Variants in CDK5RAP2 observed in about 807,000 individuals in gnomAD.
CDK5RAP2 encodes CDK5 regulatory subunit-associated protein 2.
CDK5RAP2 carries 147 observed loss-of-function variants against 232.9 expected under a neutral mutation model. The observed-to-expected ratio is 0.63, with a 90% CI of 0.55 to 0.72. The LOEUF (loss-of-function observed/expected upper bound fraction) is 0.72. Among genes scored for constraint, CDK5RAP2 ranks in the 30% least tolerant of loss-of-function variants. CDK5RAP2 has a pLI of 0.00. For synonymous variants in CDK5RAP2, 833 were observed against 833.7 expected (o/e 1.00, Z 0.01); for missense variants, 2,195 against 2,231.5 (o/e 0.98, Z 0.33).
chr9:120,401,910 A>G (rs935459537), intron 34 of CDK5RAP2, among the ~76,000 whole-genome samples: 68 of 152,040 alleles, frequency 4.5e-4, no homozygotes, highest in African/African-American at 1.5e-3. Context: ...CTTGAGCCCA[A>G]GAGGAGGAGG....
At chr9:120,542,057 T>C (rs2041654613) in intron 5 of CDK5RAP2, among the ~76,000 whole-genome samples, 1 of 152,178 alleles carries the variant, frequency 6.6e-6, no homozygotes. Flanking sequence ...AGCAGGGGAT[T>C]TTCCTGTGGC....
intron 14 of CDK5RAP2, among the ~76,000 whole-genome samples, chr9:120,479,061 C>T (rs1490063988): frequency 6.6e-6 from 1 of 151,942 alleles, no homozygotes; most frequent in African/African-American, 2.4e-5. Context: ...GACACACAGA[C>T]CCAGTTTGGA....
rs139351953 is a variant in CDK5RAP2 at position 120,547,285 on chromosome 9, C to T, written c.307-1495G>A. On this transcript the variant is annotated intron_variant, in intron 4 of 37. Coordinates refer to ENST00000349780, the MANE Select transcript of CDK5RAP2 (RefSeq NM_018249.6). Reference sequence around the variant, plus strand: ...GATTACAGGCGTGAGCCACCGCATCCGGCCATATGTGTATTATTTAAACAA... The same window carrying T: ...GATTACAGGCGTGAGCCACCGCATCTGGCCATATGTGTATTATTTAAACAA... Among the ~76,000 whole-genome samples, 1,361 of 152,162 alleles carry T rather than the reference C, an allele frequency of 8.9e-3. 21 individuals are homozygous for T. Among genetic ancestry groups the T allele is most frequent in the African/African-American group, 0.03 (1,267 of 41,542 alleles).
intron 36 of CDK5RAP2, among the ~76,000 whole-genome samples, chr9:120,392,021 T>TA (rs1345252457): frequency 1.3e-5 from 2 of 152,122 alleles, no homozygotes; most frequent in Non-Finnish European, 2.9e-5. Context: ...AGATGGACAA[T>TA]ACCAGCTCAG....
At chr9:120,430,373 G>A (rs2035208053) in intron 25 of CDK5RAP2, among the ~76,000 whole-genome samples, 1 of 150,632 alleles carries the variant, frequency 6.6e-6, no homozygotes, top group African/African-American at 2.4e-5. Context: ...CTGACAAAGG[G>A]CTAATATCCA....
chr9:120,403,153 G>C lies in CDK5RAP2; in HGVS notation c.5042-82C>G, dbSNP rs993492153. 2.0e-6 allele frequency: 3 copies of C among 1,486,906 alleles called. No individual in the cohort carries two copies. Among genetic ancestry groups the C allele is most frequent in the Middle Eastern group, 2.1e-4 (1 of 4,720 alleles). The allele number at this position is 1,486,906 out of a possible 1,614,324, so 92.1% of individuals were successfully genotyped here. ...ACGCTTATGATGTTGAAGCTAGCTA[G>C]GAGGGCTAGAAGAGGCCCTCGTGCC... is the stretch of plus-strand genomic sequence containing the variant. On this transcript the variant is annotated intron_variant, in intron 33 of 37. Transcript: ENST00000349780. The surrounding 1 kb of genome is among the most constrained non-coding windows in gnomAD (Gnocchi z 4.2).
intron 14 of CDK5RAP2, among the ~76,000 whole-genome samples, chr9:120,481,671 C>G (rs2038323182): frequency 6.6e-6 from 1 of 152,072 alleles, no homozygotes; most frequent in Non-Finnish European, 1.5e-5. Context: ...CACCGCCACA[C>G]TCGGCTAATT....
chr9:120,443,715 T>C lies in CDK5RAP2; in HGVS notation c.3053A>G (p.Gln1018Arg), dbSNP rs1218264377. 1 of 1,614,000 alleles carries C rather than the reference T, an allele frequency of 6.2e-7. No homozygotes were observed. The highest frequency in any genetic ancestry group is 8.5e-7 in the Non-Finnish European group (1 of 1,180,002). The change falls in exon 23 of 38, where the codon CAG becomes CGG. Residue 1018 changes from glutamine (Q) to arginine (R), a missense_variant. Gln to Arg is a conservative substitution (Grantham distance 43). Coordinates refer to ENST00000349780, the MANE Select transcript of CDK5RAP2 (RefSeq NM_018249.6). ...NAQPPVGAAY[Q>R]DSPGEQKGIK... ...TCCTTTCTGCTCTCCTGGGCTGTCCTGGTAGGCTGCTCCCACAGGGGGCTG... is the reference window on the plus strand; with the variant it reads ...TCCTTTCTGCTCTCCTGGGCTGTCCCGGTAGGCTGCTCCCACAGGGGGCTG...
At chr9:120,456,324 G>C (rs1490034762) in intron 20 of CDK5RAP2, among the ~76,000 whole-genome samples, 1 of 152,170 alleles carries the variant, frequency 6.6e-6, no homozygotes, top group Non-Finnish European at 1.5e-5. Context: ...CTAGAAACCT[G>C]GTGAAACAGT....
At position 120,495,075 on chromosome 9, in the gene CDK5RAP2, C is replaced by T. The variant is rs1489138036; in HGVS notation, c.1312-3598G>A. 1.7e-4 allele frequency among the ~76,000 whole-genome samples: 13 copies of T among 74,852 alleles called. No individual in the cohort carries two copies. In the East Asian group the frequency reaches 3.5e-3, roughly 20 times the overall value. The allele number at this position is 74,852 out of a possible 152,430, so 49.1% of individuals were successfully genotyped here. A position where few individuals can be genotyped will look rare whatever the true frequency, so the allele number is the denominator to read the frequency against. On this transcript the variant is annotated intron_variant, in intron 12 of 37. Transcript: ENST00000349780. ...GCCCGGGAGGCAGCGGCTGGAGGAGCGGACGGGCCCCGCGGGGCCCGAGGG... is the reference window on the plus strand; with the variant it reads ...GCCCGGGAGGCAGCGGCTGGAGGAGTGGACGGGCCCCGCGGGGCCCGAGGG...
In CDK5RAP2 at chr9:120,401,146, C is replaced by T. The variant is rs115889058; in HGVS notation, c.5308-261G>A. 2,113 of 477,534 alleles carry T rather than the reference C, an allele frequency of 4.4e-3. 33 individuals carry two copies. The highest frequency in any genetic ancestry group is 0.037 in the African/African-American group (1,894 of 50,978). 29.6% of individuals were successfully genotyped at this position (477,534 alleles called of 1,614,324 possible). On this transcript the variant is annotated intron_variant, in intron 34 of 37. Transcript: ENST00000349780. Reference sequence around the variant, plus strand: ...GGTTAATAACCACCAGCATTAACTACAGTTACTACTCCAAGTAAAGGGTCT... The same window carrying T: ...GGTTAATAACCACCAGCATTAACTATAGTTACTACTCCAAGTAAAGGGTCT...
chr9:120,468,064 C>A, intron 17 of CDK5RAP2, 67 bp from the exon 18 acceptor site: 1 of 1,519,748 alleles, frequency 6.6e-7, no homozygotes, highest in Non-Finnish European at 9.1e-7. Flanking sequence ...AGGGCCGCAG[C>A]CCCAGACAGC....
rs372329287 is a variant in CDK5RAP2, at chr9:120,550,922, G to A, written c.196-20C>T. 7 of 1,457,140 alleles carry A rather than the reference G, an allele frequency of 4.8e-6. No homozygotes were observed. The highest frequency in any genetic ancestry group is 6.8e-6 in the Non-Finnish European group (7 of 1,037,006). The allele number at this position is 1,457,140 out of a possible 1,614,324, so 90.3% of individuals were successfully genotyped here. A position where few individuals can be genotyped will look rare whatever the true frequency, so the allele number is the denominator to read the frequency against. ...GATTTGCTGAAAAATATCACAGAAGGGTCATCAAAAGCAAACAAAAGACAG... is the reference window on the plus strand; with the variant it reads ...GATTTGCTGAAAAATATCACAGAAGAGTCATCAAAAGCAAACAAAAGACAG... On this transcript the variant is annotated intron_variant, in intron 3 of 37. Coordinates refer to ENST00000349780, the MANE Select transcript of CDK5RAP2 (RefSeq NM_018249.6).
intron 36 of CDK5RAP2, among the ~76,000 whole-genome samples, chr9:120,393,844 G>A (rs3780672): frequency 0.66 from 100,478 of 152,052 alleles, 33,607 homozygotes; most frequent in East Asian, 0.79. Context: ...GATCCCCAGC[G>A]TCCTAGCCAC....
At chr9:120,477,057 T>A (rs920055093) in intron 15 of CDK5RAP2, among the ~76,000 whole-genome samples, 1 of 152,224 alleles carries the variant, frequency 6.6e-6, no homozygotes, top group Non-Finnish European at 1.5e-5. Context: ...ATAATACACA[T>A]AGAAGCACTT....
intron 35 of CDK5RAP2, among the ~76,000 whole-genome samples, chr9:120,396,957 C>G (rs7018733): frequency 0.021 from 3,268 of 152,286 alleles, 111 homozygotes; most frequent in African/African-American, 0.071. Context: ...TCCATTCCTA[C>G]CTCTGGAAAA....
Position 120,518,513 on chromosome 9 carries a change from T to G in CDK5RAP2, c.1225A>C (p.Ser409Arg), listed in dbSNP as rs749902974. Reference protein sequence around the residue: ...RSIKKITQELSDLQQERERLE... With the variant: ...RSIKKITQELRDLQQERERLE... ...CTCTCCCTCTCCTGCTGCAAGTCAC[T>G]CAGCTCCTGGGTGATCTTCTTAATG... The change falls in exon 12 of 38, where the codon AGT becomes CGT. Residue 409 changes from serine (S) to arginine (R), a missense_variant. Ser to Arg is a moderately radical substitution (Grantham distance 110). Coordinates refer to ENST00000349780, the MANE Select transcript of CDK5RAP2 (RefSeq NM_018249.6). The G allele has an allele frequency of 6.2e-7, 1 of 1,613,722 alleles. No homozygotes were observed. Among genetic ancestry groups the G allele is most frequent in the Non-Finnish European group, 8.5e-7 (1 of 1,179,936 alleles).
At chr9:120,470,286 T>C (rs1353952973) in intron 16 of CDK5RAP2, 66 bp from the exon 17 acceptor site, 12 of 756,664 alleles carry the variant, frequency 1.6e-5, no homozygotes, top group Non-Finnish European at 2.7e-5. Flanking sequence ...AAACAGATCC[T>C]CCCAAGACTG....
chr9:120,475,171 A>G (rs1021004194), intron 15 of CDK5RAP2, among the ~76,000 whole-genome samples: 2 of 152,204 alleles, frequency 1.3e-5, no homozygotes, highest in African/African-American at 4.8e-5. Flanking sequence ...TCAATTTCAC[A>G]AACACACTGA....
Sources: allele counts gnomAD v4.1 joint callset (sites outside exome capture counted in the v4.1 genomes callset), GRCh38; gene constraint gnomAD v4.1.1; non-coding constraint Gnocchi (gnomAD v3.1); transcripts MANE v1.5; gene names NCBI Gene and HGNC (gene_info 2026-07-23, HGNC 2026-07-21).